MAGI1: variants seen among roughly 807,000 people sequenced by gnomAD.
MAGI1 encodes the protein membrane-associated guanylate kinase, WW and PDZ domain-containing protein 1.
Under a neutral mutation model 139.9 loss-of-function variants are expected in MAGI1, and 58 were observed. The observed-to-expected ratio is 0.41, with a 90% confidence interval of 0.34 to 0.52. The LOEUF (loss-of-function observed/expected upper bound fraction) is 0.52. Ranked by LOEUF, MAGI1 falls within the 20% of genes least tolerant of loss-of-function variation. MAGI1 has a pLI of 0.12. For synonymous variants in MAGI1, 812 were observed against 737.9 expected (o/e 1.10, Z -1.63); for missense variants, 1,874 against 1,901.6 (o/e 0.99, Z 0.27).
rs532760047 is a variant in MAGI1 at position 65,712,159 on chromosome 3, G to A, written c.314-90071C>T. Among the ~76,000 whole-genome samples, 5 of 152,122 alleles carry A rather than the reference G, an allele frequency of 3.3e-5. No homozygotes were observed. The South Asian group carries it at 1.0e-3, about 32-fold the overall frequency. On this transcript the variant is annotated intron_variant, in intron 1 of 22. Coordinates refer to ENST00000402939, the MANE Select transcript of MAGI1 (RefSeq NM_001033057.2). Reference sequence around the variant, plus strand: ...GTCCATGTGCCCTTCTCTTTAATTTGGGCTCTTAGACTTGACCCACAGAAT... The same window carrying A: ...GTCCATGTGCCCTTCTCTTTAATTTAGGCTCTTAGACTTGACCCACAGAAT...
At chr3:65,406,509 T>C (rs750031471) in intron 12 of MAGI1, among the ~76,000 whole-genome samples, 1 of 152,148 alleles carries the variant, frequency 6.6e-6, no homozygotes, top group Non-Finnish European at 1.5e-5. Flanking sequence ...TTGTCATCAA[T>C]TTACATTTTT....
At chr3:65,841,556 T>C (rs1307058876) in intron 1 of MAGI1, among the ~76,000 whole-genome samples, 1 of 151,940 alleles carries the variant, frequency 6.6e-6, no homozygotes, top group African/African-American at 2.4e-5. Context: ...GCCTCCCAAG[T>C]AGCTGGGATT....
chr3:65,416,588 A>T (rs1946234722), intron 12 of MAGI1, among the ~76,000 whole-genome samples: 1 of 152,146 alleles, frequency 6.6e-6, no homozygotes, highest in African/African-American at 2.4e-5. Context: ...AAGTTTGTTG[A>T]ATGAATGAAT....
chr3:65,659,925 G>A (rs2086099957), intron 1 of MAGI1, among the ~76,000 whole-genome samples: 1 of 152,108 alleles, frequency 6.6e-6, no homozygotes, highest in Non-Finnish European at 1.5e-5. Context: ...CAATCTCTCT[G>A]TGCTAAATCA....
chr3:65,611,126 A>T (rs2106938075), intron 2 of MAGI1, among the ~76,000 whole-genome samples: 1 of 139,872 alleles, frequency 7.1e-6, no homozygotes, highest in African/African-American at 2.6e-5. Context: ...CGTATATAAT[A>T]TATAGTATAA....
chr3:65,628,461 C>A (rs997836322), intron 1 of MAGI1, among the ~76,000 whole-genome samples: 1 of 152,124 alleles, frequency 6.6e-6, no homozygotes, highest in Non-Finnish European at 1.5e-5. Flanking sequence ...ACACAGGACA[C>A]ACACACATTC....
At chr3:65,487,501 G>A (rs1367564543) in intron 3 of MAGI1, among the ~76,000 whole-genome samples, 1 of 152,170 alleles carries the variant, frequency 6.6e-6, no homozygotes, top group Non-Finnish European at 1.5e-5. Flanking sequence ...CTAACTCCCT[G>A]AAGTATCTTA....
chr3:65,803,216 A>G (rs1172501158), intron 1 of MAGI1, among the ~76,000 whole-genome samples: 1 of 152,176 alleles, frequency 6.6e-6, no homozygotes, highest in African/African-American at 2.4e-5. Flanking sequence ...TAAAAATAGT[A>G]TTAGGAATCC....
intron 2 of MAGI1, among the ~76,000 whole-genome samples, chr3:65,603,259 G>C (rs2082564317): frequency 1.3e-5 from 2 of 151,908 alleles, no homozygotes; most frequent in South Asian, 4.1e-4. Flanking sequence ...ATTTTCTACA[G>C]GTTCATACAT....
chr3:65,771,285 TGACA>T (rs1304479102), intron 1 of MAGI1, among the ~76,000 whole-genome samples: 1 of 150,000 alleles, frequency 6.7e-6, no homozygotes, highest in African/African-American at 2.5e-5. Context: ...CCAGCCTGGG[TGACA>T]GACAGTGAAT....
intron 1 of MAGI1, among the ~76,000 whole-genome samples, chr3:65,634,830 A>G (rs549542550): frequency 1.1e-4 from 16 of 152,324 alleles, no homozygotes; most frequent in African/African-American, 3.8e-4. Flanking sequence ...GATAAGTGAC[A>G]ACTGCATCAT....
intron 1 of MAGI1, among the ~76,000 whole-genome samples, chr3:65,806,799 G>C (rs569686278): frequency 6.6e-6 from 1 of 152,176 alleles, no homozygotes; most frequent in Non-Finnish European, 1.5e-5. Flanking sequence ...CTAGATGCCA[G>C]TAGCACACCC....
chr3:65,970,479 C>T lies in MAGI1; in HGVS notation c.313+67517G>A, dbSNP rs553756270. Among the ~76,000 whole-genome samples, 3 of 149,798 alleles carry T rather than the reference C, an allele frequency of 2.0e-5. No individual in the cohort carries two copies. In the East Asian group the frequency reaches 5.9e-4, roughly 29 times the overall value. On this transcript the variant is annotated intron_variant, in intron 1 of 22. Transcript: ENST00000402939. The stretch of plus-strand genomic sequence containing the variant: ...CACAGAAGTGTACATGCAAAAGTGG[C>T]TAAAAGGGTAAATTTTGTGTCAGGT...
At chr3:65,751,379 G>A (rs1317288611) in intron 1 of MAGI1, among the ~76,000 whole-genome samples, 2 of 152,170 alleles carry the variant, frequency 1.3e-5, no homozygotes, top group Admixed American at 1.3e-4. Flanking sequence ...CCATTGTGTG[G>A]CAGGGTCAGC....
At chr3:65,802,173 T>C (rs977206575) in intron 1 of MAGI1, among the ~76,000 whole-genome samples, 1 of 152,176 alleles carries the variant, frequency 6.6e-6, no homozygotes, top group Non-Finnish European at 1.5e-5. Flanking sequence ...TTCATTCAGT[T>C]AAAATTTTTC....
At chr3:66,029,986 T>G (rs1248636598) in intron 1 of MAGI1, among the ~76,000 whole-genome samples, 1 of 152,142 alleles carries the variant, frequency 6.6e-6, no homozygotes, top group Non-Finnish European at 1.5e-5. Context: ...CTCAATTAAT[T>G]TTAAAGTCAA....
intron 1 of MAGI1, among the ~76,000 whole-genome samples, chr3:65,819,883 AAAAAAAAAAAAAAAGG>A (rs2041845079): frequency 7.8e-6 from 1 of 129,020 alleles, no homozygotes; most frequent in Non-Finnish European, 1.6e-5. Context: ...CTCAAAAAAA[AAAAAAAAAAAAAAAGG>A]AAGGTTGAGG....
chr3:65,938,826 G>A (rs569835327), intron 1 of MAGI1, among the ~76,000 whole-genome samples: 1 of 152,252 alleles, frequency 6.6e-6, no homozygotes, highest in East Asian at 1.9e-4. Context: ...GTGATAGACT[G>A]GCAGAGCACA....
intron 1 of MAGI1, chr3:65,954,298 T>A (rs114467625): frequency 6.6e-6 from 1 of 152,562 alleles, no homozygotes; most frequent in African/African-American, 2.4e-5. Context: ...TTTCCCACAG[T>A]TTTTTTCAGA....
Sources: allele counts gnomAD v4.1 joint callset (sites outside exome capture counted in the v4.1 genomes callset), GRCh38; gene constraint gnomAD v4.1.1; transcripts MANE v1.5; gene names NCBI Gene and HGNC (gene_info 2026-07-23, HGNC 2026-07-21).